The following CDK15 variants were observed in gnomAD, a reference collection of about 807,000 sequenced individuals.
CDK15 encodes cyclin dependent kinase 15.
In CDK15, 62 loss-of-function variants were observed where a neutral mutation model predicts 60.3. The ratio of observed to expected loss-of-function variants is 1.03; its 90% CI spans 0.84 to 1.27. CDK15 has a LOEUF of 1.27. Ranked by LOEUF, CDK15 falls within the 50% of genes most tolerant of loss-of-function variation. The probability of loss-of-function intolerance (pLI) is 0.00; values close to 1 mark genes in which losing one functional copy is unlikely to be tolerated. For missense variants in CDK15, 541 were observed against 527.8 expected (o/e 1.03, Z -0.25); for synonymous variants, 194 against 195.7 (o/e 0.99, Z 0.07).
chr2:201,864,259 T>G (rs1698518156), intron 10 of CDK15, among the ~76,000 whole-genome samples: 1 of 151,990 alleles, frequency 6.6e-6, no homozygotes, highest in African/African-American at 2.4e-5. Context: ...AACAGGAAAA[T>G]AAAAGAAAAG....
chr2:201,872,373 A>T (rs752199302), intron 11 of CDK15, 47 bp downstream of exon 11: 2 of 1,583,042 alleles, frequency 1.3e-6, no homozygotes, highest in South Asian at 2.2e-5. Context: ...TTTAAGCAGG[A>T]TTGGAGAGAC....
Position 201,893,514 on chromosome 2 carries a change from A to G in CDK15, c.*247A>G, listed in dbSNP as rs1274380857. The G allele has an allele frequency of 5.3e-5, 8 of 152,224 alleles. No individual in the cohort carries two copies. Among genetic ancestry groups the G allele is most frequent in the African/African-American group, 1.9e-4 (8 of 41,458 alleles). The allele number at this position is 152,224 out of a possible 1,614,324, so 9.4% of individuals were successfully genotyped here. On this transcript the variant is annotated 3_prime_UTR_variant, in exon 14 of 14. Transcript: ENST00000652192. ...CATAGAATTTAAGTGATTGATTTAA[A>G]AAAACTGGACATAAACTAAGTCTAA...
intron 9 of CDK15, among the ~76,000 whole-genome samples, chr2:201,851,914 C>T (rs575813023): frequency 6.6e-6 from 1 of 152,292 alleles, no homozygotes; most frequent in Non-Finnish European, 1.5e-5. Flanking sequence ...CTGCCTCAGC[C>T]TCCCAAAGTG....
intron 13 of CDK15, 74 bp from the exon 14 acceptor site, chr2:201,893,227 G>A (rs1699691747): frequency 6.6e-6 from 1 of 152,150 alleles, no homozygotes; most frequent in Non-Finnish European, 1.5e-5. Flanking sequence ...ACTTTGCAAT[G>A]TTTAACTGAT....
chr2:201,855,009 G>A (rs1170300173), intron 10 of CDK15, 72 bp downstream of exon 10: 1 of 1,411,632 alleles, frequency 7.1e-7, no homozygotes, highest in Non-Finnish European at 1.0e-6. Flanking sequence ...ACGCTAACAG[G>A]GCGTTCTTGT....
intron 12 of CDK15, among the ~76,000 whole-genome samples, chr2:201,883,915 C>G (rs1699368065): frequency 6.6e-6 from 1 of 152,060 alleles, no homozygotes; most frequent in Non-Finnish European, 1.5e-5. Flanking sequence ...AACTTGGGCT[C>G]TGGGAAAGGA....
chr2:201,895,412 AT>A lies in CDK15; in HGVS notation c.*2146del, dbSNP rs1182482867. ...ATGCTTATGCATATGCATATACCTT[AT>A]GCATATGATTATGCTTGTGCTTCCT... is the stretch of plus-strand genomic sequence containing the variant. On this transcript the variant is annotated 3_prime_UTR_variant, in exon 14 of 14. Coordinates refer to ENST00000652192, the MANE Select transcript of CDK15 (RefSeq NM_001366386.2). 1 of 152,250 alleles carries A rather than the reference AT, an allele frequency of 6.6e-6. No individual in the cohort carries two copies. Among genetic ancestry groups the A allele is most frequent in the Non-Finnish European group, 1.5e-5 (1 of 68,046 alleles). The allele number at this position is 152,250 out of a possible 1,614,324, so 9.4% of individuals were successfully genotyped here. A position where few individuals can be genotyped will look rare whatever the true frequency, so the allele number is the denominator to read the frequency against.
At chr2:201,875,402 A>G (rs1699038563) in intron 11 of CDK15, among the ~76,000 whole-genome samples, 2 of 151,972 alleles carry the variant, frequency 1.3e-5, no homozygotes, top group Admixed American at 6.6e-5. Flanking sequence ...GATAGTATGA[A>G]TCAAATACTT....
At chr2:201,860,997 G>A (rs1020792348) in intron 10 of CDK15, 3 of 1,184,658 alleles carry the variant, frequency 2.5e-6, no homozygotes, top group Non-Finnish European at 3.2e-6. Flanking sequence ...GCTAAGGTCT[G>A]CATCTGGGTC....
chr2:201,851,367 AAGGCACTGT>A (rs1697900588), intron 9 of CDK15, among the ~76,000 whole-genome samples: 1 of 151,752 alleles, frequency 6.6e-6, no homozygotes, highest in Non-Finnish European at 1.5e-5. Flanking sequence ...GTCCAAGATC[AAGGCACTGT>A]AGGCTGTTGT....
At chr2:201,845,306 G>A (rs1201720800) in intron 8 of CDK15, among the ~76,000 whole-genome samples, 1 of 152,102 alleles carries the variant, frequency 6.6e-6, no homozygotes, top group Non-Finnish European at 1.5e-5. Flanking sequence ...TATGAAAAGG[G>A]TTTTTGTATA....
rs1413500276 is a variant in CDK15 at position 201,837,481 on chromosome 2, AGG to A, written c.851+1719_851+1720del. On this transcript the variant is annotated intron_variant, in intron 8 of 13. Transcript: ENST00000652192. ...AAGGAAGGAAGGAAGGAAGGAAGGA[AGG>A]AAGGAAGGAAGGAAGGAAGGAAGGA... Among the ~76,000 whole-genome samples, 92 of 143,638 alleles carry A rather than the reference AGG, an allele frequency of 6.4e-4. 1 individual carries two copies. The highest frequency in any genetic ancestry group is 2.3e-3 in the African/African-American group (88 of 38,636). The allele number at this position is 143,638 out of a possible 152,430, so 94.2% of individuals were successfully genotyped here. A position where few individuals can be genotyped will look rare whatever the true frequency, so the allele number is the denominator to read the frequency against.
intron 8 of CDK15, among the ~76,000 whole-genome samples, chr2:201,842,124 C>T (rs540013393): frequency 6.6e-6 from 1 of 152,254 alleles, no homozygotes; most frequent in Admixed American, 6.5e-5. Flanking sequence ...AAACTCTGCA[C>T]GTATTAAATG....
chr2:201,853,003 T>C (rs1359365338), intron 9 of CDK15, among the ~76,000 whole-genome samples: 1 of 152,256 alleles, frequency 6.6e-6, no homozygotes, highest in Non-Finnish European at 1.5e-5. Context: ...TATTGTTTTC[T>C]CTTCATTATC....
chr2:201,835,956 TTG>T (rs1340115455), intron 8 of CDK15, among the ~76,000 whole-genome samples, 193 bp downstream of exon 8: 8 of 79,002 alleles, frequency 1.0e-4, no homozygotes, highest in Non-Finnish European at 2.1e-4. Flanking sequence ...TTATATATAT[TTG>T]TATATATTTA....
rs190919595 is a variant in CDK15 at position 201,812,739 on chromosome 2, T to C, written c.448+177T>C. 4.6e-5 allele frequency among the ~76,000 whole-genome samples: 7 copies of C among 152,328 alleles called. No homozygotes were observed. The East Asian group carries it at 1.2e-3, about 25-fold the overall frequency. ...TACACTGCTATTTTATTACTTAATTTTGAGGAAATTGAGATTTAAAACTAT... is the reference window on the plus strand; with the variant it reads ...TACACTGCTATTTTATTACTTAATTCTGAGGAAATTGAGATTTAAAACTAT... On this transcript the variant is annotated intron_variant, in intron 4 of 13. Coordinates refer to ENST00000652192, the MANE Select transcript of CDK15 (RefSeq NM_001366386.2).
chr2:201,824,635 G>T, intron 6 of CDK15: 1 of 325,150 alleles, frequency 3.1e-6, no homozygotes. Flanking sequence ...ACTCCCCTTT[G>T]TAAGATTTGT....
intron 10 of CDK15, among the ~76,000 whole-genome samples, chr2:201,868,768 A>G (rs1698736543): frequency 6.6e-6 from 1 of 152,224 alleles, no homozygotes; most frequent in African/African-American, 2.4e-5. Flanking sequence ...GCCAACAGAC[A>G]CATGAAAAAA....
At position 201,833,953 on chromosome 2, in the gene CDK15, C is replaced by T. The variant is rs781193371; in HGVS notation, c.712C>T (p.Leu238Phe). ...CTTACTCATCAGTCACCTGGGAGAG[C>T]TCAAACTGGCTGATTTTGGTAAGTC... Reference protein sequence around the residue: ...QNLLISHLGELKLADFGLARA... With the variant: ...QNLLISHLGEFKLADFGLARA... The change falls in exon 7 of 14, where the codon CTC becomes TTC. Residue 238 changes from leucine (L) to phenylalanine (F), a missense_variant. By Grantham distance (22) the Leu-to-Phe change is conservative. Transcript: ENST00000652192. The T allele has an allele frequency of 1.2e-6, 2 of 1,613,524 alleles. No homozygotes were observed. The highest frequency in any genetic ancestry group is 1.7e-6 in the Non-Finnish European group (2 of 1,179,852).
Sources: gnomAD v4.1 joint callset for allele counts (sites outside exome capture counted in the v4.1 genomes callset) on GRCh38, gnomAD v4.1.1 for gene constraint, MANE v1.5 for transcripts, NCBI Gene and HGNC (gene_info 2026-07-23, HGNC 2026-07-21) for gene names.